MPPED2: variants seen among roughly 807,000 people sequenced by gnomAD.
MPPED2 encodes the protein metallophosphoesterase MPPED2.
MPPED2 carries 5 observed loss-of-function variants against 33.0 expected under a neutral mutation model. The observed-to-expected ratio is 0.15, with a 90% CI of 0.08 to 0.32. MPPED2 has a LOEUF of 0.32. Among genes scored for constraint, MPPED2 ranks in the 10% least tolerant of loss-of-function variants. MPPED2 has a pLI of 1.00. For missense variants in MPPED2, 275 were observed against 372.1 expected (o/e 0.74, Z 2.15); for synonymous variants, 136 against 141.9 (o/e 0.96, Z 0.29).
Position 30,522,387 on chromosome 11 carries a change from TACACACACAC to T in MPPED2, c.310+13597_310+13606del, listed in dbSNP as rs60549510. Reference sequence around the variant, plus strand: ...TAAACTCAAATGCTTCAGGAAAACATACACACACACACACACACACACACACACACACACA... The same window carrying T: ...TAAACTCAAATGCTTCAGGAAAACATACACACACACACACACACACACACA... On this transcript the variant is annotated intron_variant, in intron 3 of 6. Coordinates refer to ENST00000358117, the MANE Select transcript of MPPED2 (RefSeq NM_001584.3). Among the ~76,000 whole-genome samples the T allele has an allele frequency of 4.3e-3, 627 of 146,388 alleles. 3 individuals are homozygous for T. The highest frequency in any genetic ancestry group is 0.015 in the African/African-American group (588 of 39,894).
intron 4 of MPPED2, among the ~76,000 whole-genome samples, chr11:30,478,255 T>C (rs181086643): frequency 6.6e-6 from 1 of 152,194 alleles, no homozygotes; most frequent in Admixed American, 6.5e-5. Context: ...AGGAGCTTAT[T>C]CCTCCATAAC....
chr11:30,455,652 G>A (rs1004358121), intron 4 of MPPED2, among the ~76,000 whole-genome samples: 3 of 152,168 alleles, frequency 2.0e-5, no homozygotes, highest in South Asian at 2.1e-4. Flanking sequence ...ATATGGGATG[G>A]TAGGCAACCA....
At chr11:30,539,114 C>T (rs1954966076) in intron 2 of MPPED2, among the ~76,000 whole-genome samples, 1 of 152,124 alleles carries the variant, frequency 6.6e-6, no homozygotes, top group Admixed American at 6.6e-5. Context: ...AACTACTCCT[C>T]CCAAATTGGG....
At chr11:30,417,067 A>G (rs1364850586) in intron 5 of MPPED2, among the ~76,000 whole-genome samples, 2 of 152,188 alleles carry the variant, frequency 1.3e-5, no homozygotes, top group East Asian at 3.9e-4. Flanking sequence ...CTCAAATGTT[A>G]AACTTTAAAG....
downstream of MPPED2, among the ~76,000 whole-genome samples, chr11:30,405,288 C>T (rs1320378054): frequency 1.3e-5 from 2 of 152,196 alleles, no homozygotes; most frequent in Non-Finnish European, 2.9e-5. Context: ...CAGAAATGGG[C>T]TATGAAATCA....
At chr11:30,450,136 G>A (rs1383917544) in intron 4 of MPPED2, among the ~76,000 whole-genome samples, 1 of 152,196 alleles carries the variant, frequency 6.6e-6, no homozygotes, top group Non-Finnish European at 1.5e-5. Context: ...AGAGGGTAGA[G>A]GAAAGGGTCT....
At chr11:30,558,529 C>T (rs900699867) in intron 2 of MPPED2, among the ~76,000 whole-genome samples, 1 of 151,976 alleles carries the variant, frequency 6.6e-6, no homozygotes, top group Non-Finnish European at 1.5e-5. Flanking sequence ...AATCCTCCCA[C>T]CTCAGCCTCT....
chr11:30,499,060 C>A (rs1321578330), intron 3 of MPPED2, among the ~76,000 whole-genome samples: 1 of 152,168 alleles, frequency 6.6e-6, no homozygotes, highest in African/African-American at 2.4e-5. Flanking sequence ...CTAAGTGCCC[C>A]ACACTCCAGC....
At chr11:30,538,066 C>G (rs993908676) in intron 2 of MPPED2, among the ~76,000 whole-genome samples, 2 of 152,104 alleles carry the variant, frequency 1.3e-5, no homozygotes, top group African/African-American at 4.8e-5. Context: ...AGCAATATCC[C>G]TATACCAATA....
Position 30,586,060 on chromosome 11 carries a change from C to G in MPPED2, c.-140G>C, listed in dbSNP as rs1007726523. 1 of 152,222 alleles carries G rather than the reference C, an allele frequency of 6.6e-6. No individual in the cohort carries two copies. The highest frequency in any genetic ancestry group is 2.4e-5 in the African/African-American group (1 of 41,466). 9.4% of individuals were successfully genotyped at this position (152,222 alleles called of 1,614,324 possible). On this transcript the variant is annotated 5_prime_UTR_variant, in exon 1 of 7. Coordinates refer to ENST00000358117, the MANE Select transcript of MPPED2 (RefSeq NM_001584.3). This position sits in a 1 kb window ranked among gnomAD's most constrained non-coding sequence, Gnocchi z 4.8. ...GGATTACCTTTCCCGGGCTGCGCTC[C>G]GGATCCCGGGGATGCCTTCAGCGCC...
chr11:30,431,747 T>C (rs189527241), intron 4 of MPPED2, among the ~76,000 whole-genome samples: 1 of 152,372 alleles, frequency 6.6e-6, no homozygotes, highest in Admixed American at 6.5e-5. Context: ...TTTTTGTTAA[T>C]GCCTTAAAGG....
intron 3 of MPPED2, among the ~76,000 whole-genome samples, chr11:30,525,959 T>C (rs1954146351): frequency 6.6e-6 from 1 of 152,196 alleles, no homozygotes; most frequent in Non-Finnish European, 1.5e-5. Context: ...AAATCCAATC[T>C]TACTTATTTG....
chr11:30,451,833 C>T (rs909381370), intron 4 of MPPED2: 8 of 985,140 alleles, frequency 8.1e-6, no homozygotes, highest in African/African-American at 3.5e-5. Context: ...TGACAGGCTG[C>T]GGTGGGAAGT....
At chr11:30,399,921 A>G (rs1947887287) in intron 6 of MPPED2, among the ~76,000 whole-genome samples, 1 of 152,216 alleles carries the variant, frequency 6.6e-6, no homozygotes, top group Admixed American at 6.5e-5. Context: ...CTGAAACCTC[A>G]ACACTGTATT....
At position 30,471,336 on chromosome 11, in the gene MPPED2, C is replaced by G. The variant is rs1238377192; in HGVS notation, c.536+23960G>C. On this transcript the variant is annotated intron_variant, in intron 4 of 6. Coordinates refer to ENST00000358117, the MANE Select transcript of MPPED2 (RefSeq NM_001584.3). Reference sequence around the variant, plus strand: ...AAGATAAATATAGCCAAATAATTGTCCTGCTTAAAACCTTTCCATGGTTCA... The same window carrying G: ...AAGATAAATATAGCCAAATAATTGTGCTGCTTAAAACCTTTCCATGGTTCA... Among the ~76,000 whole-genome samples, 4 of 152,214 alleles carry G rather than the reference C, an allele frequency of 2.6e-5. No homozygotes were observed. In the East Asian group the frequency reaches 7.7e-4, roughly 29 times the overall value.
intron 4 of MPPED2, among the ~76,000 whole-genome samples, chr11:30,467,048 A>AT (rs762288861): frequency 3.3e-5 from 5 of 152,084 alleles, no homozygotes; most frequent in Non-Finnish European, 1.5e-5. Flanking sequence ...TCTGTGTTTG[A>AT]TTTTCTCTCC....
At chr11:30,453,453 A>G (rs915156985) in intron 4 of MPPED2, among the ~76,000 whole-genome samples, 2 of 152,170 alleles carry the variant, frequency 1.3e-5, no homozygotes, top group Non-Finnish European at 1.5e-5. Flanking sequence ...TATTTCTGGG[A>G]CAATCAAATT....
intron 6 of MPPED2, among the ~76,000 whole-genome samples, chr11:30,402,022 C>T (rs762694432): frequency 3.3e-5 from 5 of 151,874 alleles, no homozygotes; most frequent in African/African-American, 7.3e-5. Context: ...GAAGGGCTAA[C>T]GTATACCTCC....
intron 4 of MPPED2, among the ~76,000 whole-genome samples, chr11:30,478,932 T>G (rs1951349088): frequency 6.6e-6 from 1 of 152,092 alleles, no homozygotes; most frequent in Admixed American, 6.6e-5. Flanking sequence ...AAAAAGTTCT[T>G]GATGCTTTAG....
Sources: allele counts gnomAD v4.1 joint callset (sites outside exome capture counted in the v4.1 genomes callset), GRCh38; gene constraint gnomAD v4.1.1; non-coding constraint Gnocchi (gnomAD v3.1); transcripts MANE v1.5; gene names NCBI Gene and HGNC (gene_info 2026-07-23, HGNC 2026-07-21).